The following ENPP2 variants were observed in gnomAD, a reference collection of about 807,000 sequenced individuals.
ENPP2 encodes ectonucleotide pyrophosphatase/phosphodiesterase 2, also known as autotaxin.
Under a neutral mutation model 120.2 loss-of-function variants are expected in ENPP2, and 51 were observed. That is an observed-to-expected ratio of 0.42 (90% confidence interval 0.34 to 0.54). The LOEUF (loss-of-function observed/expected upper bound fraction) is 0.54. Ranked by LOEUF, ENPP2 falls within the 20% of genes least tolerant of loss-of-function variation. The pLI, the probability that ENPP2 is intolerant of heterozygous loss-of-function variation, is 0.04. For synonymous variants in ENPP2, 365 were observed against 366.4 expected (o/e 1.00, Z 0.04); for missense variants, 920 against 1,066.5 (o/e 0.86, Z 1.91).
upstream of ENPP2, among the ~76,000 whole-genome samples, chr8:119,641,843 G>C (rs543257341): frequency 5.5e-4 from 84 of 152,316 alleles, no homozygotes; most frequent in African/African-American, 1.9e-3. Context: ...GATAAGACCT[G>C]GTTCCTGCAG....
chr8:119,629,357 A>G (rs1273178241), intron 2 of ENPP2, among the ~76,000 whole-genome samples: 1 of 152,158 alleles, frequency 6.6e-6, no homozygotes, highest in African/African-American at 2.4e-5. Context: ...TTACATGCTT[A>G]TGAATTTTTC....
At chr8:119,644,359 A>G (rs1307069107) in intron 1 of ENPP2, among the ~76,000 whole-genome samples, 1 of 151,658 alleles carries the variant, frequency 6.6e-6, no homozygotes, top group Non-Finnish European at 1.5e-5. Context: ...TGAACTGGAT[A>G]TGGGAGTTGA....
chr8:119,562,964 T>C lies in ENPP2; in HGVS notation c.2314A>G (p.Ile772Val). The C allele has an allele frequency of 6.2e-7, 1 of 1,614,080 alleles. No individual in the cohort carries two copies. Among genetic ancestry groups the C allele is most frequent in the Non-Finnish European group, 8.5e-7 (1 of 1,179,924 alleles). ...TGAGTGAAATCCAGACAGCTGGTGA[T>C]GATGCTGTAGTAGTGAGTTGGAACA... ...IPVPTHYYSI[I>V]TSCLDFTQPA... Residue 772 changes from isoleucine (I) to valine (V), a missense_variant, in exon 24 of 25, where the codon ATC becomes GTC. By Grantham distance (29) the Ile-to-Val change is conservative (BLOSUM62 3). Transcript: ENST00000075322.
intron 22 of ENPP2, among the ~76,000 whole-genome samples, chr8:119,566,444 T>G (rs1814453381): frequency 6.6e-6 from 1 of 152,234 alleles, no homozygotes; most frequent in Admixed American, 6.5e-5. Context: ...AAACTCTGAA[T>G]GGCAGAGCAG....
chr8:119,586,502 G>A (rs1430689760), intron 14 of ENPP2, among the ~76,000 whole-genome samples, 189 bp from the exon 15 acceptor site: 3 of 152,144 alleles, frequency 2.0e-5, no homozygotes, highest in Non-Finnish European at 2.9e-5. Flanking sequence ...AAGTAACCTT[G>A]GAGATGATAT....
intron 24 of ENPP2, among the ~76,000 whole-genome samples, chr8:119,561,775 C>T (rs899992739): frequency 2.0e-5 from 3 of 151,048 alleles, no homozygotes; most frequent in Non-Finnish European, 4.4e-5. Context: ...TTCTTTCTCG[C>T]TTGCTCTTGC....
intron 19 of ENPP2, 48 bp from the exon 20 acceptor site, chr8:119,570,889 C>A: frequency 7.7e-7 from 1 of 1,292,572 alleles, no homozygotes; most frequent in East Asian, 2.7e-5. Flanking sequence ...TTAAATTTTA[C>A]ATCAAATGTT....
intron 8 of ENPP2, among the ~76,000 whole-genome samples, chr8:119,611,755 G>T (rs13265442): frequency 3.9e-5 from 6 of 152,174 alleles, no homozygotes; most frequent in African/African-American, 1.4e-4. Flanking sequence ...GCCGGGCGCC[G>T]TGGCTCACAC....
chr8:119,651,803 A>G (rs1817635253), intron 1 of ENPP2, among the ~76,000 whole-genome samples: 1 of 152,196 alleles, frequency 6.6e-6, no homozygotes, highest in Non-Finnish European at 1.5e-5. Flanking sequence ...GATCTCAGAG[A>G]GAATGCTGGT....
intron 3 of ENPP2, 81 bp downstream of exon 3, chr8:119,626,484 T>C: frequency 9.2e-7 from 1 of 1,085,626 alleles, no homozygotes; most frequent in Non-Finnish European, 1.4e-6. Flanking sequence ...CAAAGCAGGG[T>C]GGCCACTCCA....
chr8:119,613,453 C>A (rs976507708), intron 8 of ENPP2, among the ~76,000 whole-genome samples: 4 of 152,218 alleles, frequency 2.6e-5, no homozygotes, highest in African/African-American at 9.6e-5. Flanking sequence ...ACCATGTAAT[C>A]TGACCCCTAT....
rs899911236 is a variant in ENPP2, at chr8:119,577,334, A to G, written c.1780+2782T>C. Among the ~76,000 whole-genome samples, 10 of 152,234 alleles carry G rather than the reference A, an allele frequency of 6.6e-5. No individual in the cohort carries two copies. In the East Asian group the frequency reaches 1.9e-3, roughly 29 times the overall value. On this transcript the variant is annotated intron_variant, in intron 19 of 24. Coordinates refer to ENST00000075322, the MANE Select transcript of ENPP2 (RefSeq NM_001040092.3). Reference sequence around the variant, plus strand: ...ACATAATACATGTGTGCTCACATACATGGTGGTTCACATTCACAAGGATCT... The same window carrying G: ...ACATAATACATGTGTGCTCACATACGTGGTGGTTCACATTCACAAGGATCT...
At chr8:119,663,224 C>A (rs1817977265) in intron 1 of ENPP2, among the ~76,000 whole-genome samples, 1 of 151,928 alleles carries the variant, frequency 6.6e-6, no homozygotes, top group African/African-American at 2.4e-5. Flanking sequence ...CAAGTTAGGT[C>A]AAAAAACAAA....
chr8:119,638,976 G>A (rs1387948493), upstream of ENPP2: 3 of 637,786 alleles, frequency 4.7e-6, no homozygotes, highest in East Asian at 5.5e-5. Context: ...AGAGGCTTAA[G>A]CTATCATCCC....
chr8:119,606,617 A>AAAAG (rs1234192177), intron 9 of ENPP2, among the ~76,000 whole-genome samples: 1 of 152,086 alleles, frequency 6.6e-6, no homozygotes, highest in Non-Finnish European at 1.5e-5. Flanking sequence ...AAAAAAAAAA[A>AAAAG]AAAGAAAGAA....
intron 23 of ENPP2, among the ~76,000 whole-genome samples, chr8:119,563,303 A>G (rs1380147422): frequency 6.6e-6 from 1 of 152,232 alleles, no homozygotes; most frequent in African/African-American, 2.4e-5. Flanking sequence ...CCAATGCAGT[A>G]GAAATGAAAG....
intron 9 of ENPP2, among the ~76,000 whole-genome samples, chr8:119,601,735 C>G (rs1236918300): frequency 6.6e-6 from 1 of 152,114 alleles, no homozygotes; most frequent in Non-Finnish European, 1.5e-5. Flanking sequence ...TAATCAGAAA[C>G]TCCACTACAA....
intron 1 of ENPP2, among the ~76,000 whole-genome samples, chr8:119,649,685 T>G (rs1266778185): frequency 6.6e-6 from 1 of 152,174 alleles, no homozygotes; most frequent in African/African-American, 2.4e-5. Context: ...TCTAGAACAT[T>G]TAAAGAACAC....
At chr8:119,608,212 G>A (rs193164319) in intron 8 of ENPP2, among the ~76,000 whole-genome samples, 3 of 152,254 alleles carry the variant, frequency 2.0e-5, no homozygotes, top group African/African-American at 7.2e-5. Context: ...TGATTCTAGT[G>A]ACATATTTTT....
Sources: allele counts gnomAD v4.1 joint callset (sites outside exome capture counted in the v4.1 genomes callset), GRCh38; gene constraint gnomAD v4.1.1; transcripts MANE v1.5; gene names NCBI Gene and HGNC (gene_info 2026-07-23, HGNC 2026-07-21).